ZNF248: variants seen among roughly 807,000 people sequenced by gnomAD.
The protein encoded by ZNF248 is KRAB protein domain.
Under a neutral mutation model 44.3 loss-of-function variants are expected in ZNF248, and 20 were observed. The observed-to-expected ratio is 0.45, with a 90% CI of 0.32 to 0.66. The LOEUF is 0.66. ZNF248 is among the 30% of genes least tolerant of loss of function. The probability of loss-of-function intolerance (pLI) is 0.04; values close to 1 mark genes in which losing one functional copy is unlikely to be tolerated. For synonymous variants in ZNF248, 224 were observed against 229.0 expected (o/e 0.98, Z 0.20); for missense variants, 654 against 677.0 (o/e 0.97, Z 0.38).
At chr10:37,804,210 T>TCCTCCC (rs2050221941) in intron 6 of ZNF248, among the ~76,000 whole-genome samples, 1 of 149,338 alleles carries the variant, frequency 6.7e-6, no homozygotes. Flanking sequence ...GCTCAAGCGA[T>TCCTCCC]ATTTCAGAGT....
the ZNF248 span, among the ~76,000 whole-genome samples, chr10:37,770,421 C>G: frequency 7.3e-4 from 111 of 151,976 alleles, 1 homozygote; most frequent in East Asian, 0.02. Context: ...GGTACCAAAA[C>G]AGATATAGAT....
the ZNF248 span, among the ~76,000 whole-genome samples, chr10:37,769,292 T>A: frequency 6.6e-6 from 1 of 152,216 alleles, no homozygotes; most frequent in Non-Finnish European, 1.5e-5. Flanking sequence ...ACCATCCTGA[T>A]ACCAAAGCCG....
At chr10:37,764,100 A>T in the ZNF248 span, among the ~76,000 whole-genome samples, 3 of 152,208 alleles carry the variant, frequency 2.0e-5, no homozygotes, top group Non-Finnish European at 4.4e-5. Flanking sequence ...ACAGAGCCAT[A>T]TTTCTCTTCT....
rs1048297677 is a variant in ZNF248, at chr10:37,792,630, A to G, written c.331-16055T>C. Among the ~76,000 whole-genome samples the G allele has an allele frequency of 2.6e-5, 4 of 152,222 alleles. No individual in the cohort carries two copies. In the South Asian group the frequency reaches 8.3e-4, roughly 32 times the overall value. ...ACCATCAGCCAACAGTCATGTTGGTATCATGCACACCATCATATGATGCAA... is the reference window on the plus strand; with the variant it reads ...ACCATCAGCCAACAGTCATGTTGGTGTCATGCACACCATCATATGATGCAA... On this transcript the variant is annotated intron_variant, in intron 6 of 6. Coordinates refer to the ZNF248 transcript ENST00000615949.
chr10:37,813,501 C>A lies in ZNF248; in HGVS notation c.330+19524G>T, dbSNP rs1439681391. Among the ~76,000 whole-genome samples, 3 of 152,268 alleles carry A rather than the reference C, an allele frequency of 2.0e-5. No individual in the cohort carries two copies. The East Asian group carries it at 5.8e-4, about 29-fold the overall frequency. On this transcript the variant is annotated intron_variant, in intron 6 of 6. Coordinates refer to the ZNF248 transcript ENST00000615949. ...AGCAAGACTGACTCCTCCTCTCCCTCCTCCTCATCAGCCTATTCAATGTGA... is the reference window on the plus strand; with the variant it reads ...AGCAAGACTGACTCCTCCTCTCCCTACTCCTCATCAGCCTATTCAATGTGA...
downstream of ZNF248, chr10:37,776,266 C>T (rs2046580621): frequency 3.7e-6 from 1 of 268,324 alleles, no homozygotes; most frequent in South Asian, 1.7e-4. Flanking sequence ...CACAGCATAC[C>T]CCTTTCCACC....
At chr10:37,783,663 G>A (rs1231627024) in intron 6 of ZNF248, among the ~76,000 whole-genome samples, 1 of 152,178 alleles carries the variant, frequency 6.6e-6, no homozygotes, top group Non-Finnish European at 1.5e-5. Flanking sequence ...TGGTGTAATG[G>A]AAAAATACTA....
chr10:37,777,327 C>A (rs1337018039), intron 6 of ZNF248, among the ~76,000 whole-genome samples: 1 of 152,198 alleles, frequency 6.6e-6, no homozygotes, highest in Non-Finnish European at 1.5e-5. Context: ...GAACTATGGA[C>A]TCAGGTACTA....
downstream of ZNF248, among the ~76,000 whole-genome samples, chr10:37,828,089 A>G (rs900771289): frequency 7.9e-5 from 12 of 152,220 alleles, no homozygotes; most frequent in African/African-American, 2.7e-4. Context: ...GAGAAAAAGT[A>G]TTTCTTTTAA....
downstream of ZNF248, among the ~76,000 whole-genome samples, chr10:37,825,089 TTGA>T (rs1352931552): frequency 1.3e-5 from 2 of 152,110 alleles, no homozygotes; most frequent in Non-Finnish European, 2.9e-5. Context: ...CACTATCCTG[TTGA>T]TATGTTGTTC....
At chr10:37,820,217 C>T (rs2053229744) in intron 6 of ZNF248, 9 of 1,321,326 alleles carry the variant, frequency 6.8e-6, no homozygotes, top group Non-Finnish European at 8.7e-6. Context: ...TGAGGTCGGA[C>T]TGGGTCTGTC....
chr10:37,814,078 G>A (rs1191323484), intron 6 of ZNF248, among the ~76,000 whole-genome samples: 1 of 152,030 alleles, frequency 6.6e-6, no homozygotes, highest in African/African-American at 2.4e-5. Flanking sequence ...ATGTCTTACA[G>A]CATTTTTGTC....
the ZNF248 span, among the ~76,000 whole-genome samples, chr10:37,761,530 A>G: frequency 1.3e-4 from 20 of 152,242 alleles, no homozygotes; most frequent in African/African-American, 4.6e-4. Context: ...TAAGATATAC[A>G]TGAGATAATG....
At chr10:37,833,237 G>A in intron 5 of ZNF248, 121 bp from the exon 6 acceptor site, 1 of 1,369,464 alleles carries the variant, frequency 7.3e-7, no homozygotes, top group Non-Finnish European at 9.5e-7. Context: ...GTTTCCTGGT[G>A]TGAACTGAGT....
chr10:37,844,605 A>G (rs2058950593), intron 3 of ZNF248, among the ~76,000 whole-genome samples: 1 of 152,198 alleles, frequency 6.6e-6, no homozygotes, highest in Non-Finnish European at 1.5e-5. Flanking sequence ...CGTAGGGAGA[A>G]GGCAGCTGGA....
chr10:37,790,316 C>T (rs559961205), intron 6 of ZNF248, among the ~76,000 whole-genome samples: 5 of 151,018 alleles, frequency 3.3e-5, no homozygotes, highest in Admixed American at 3.3e-4. Flanking sequence ...AATGGTGGCT[C>T]ATGCCTGTAA....
At chr10:37,767,530 CAT>C in the ZNF248 span, among the ~76,000 whole-genome samples, 1 of 152,098 alleles carries the variant, frequency 6.6e-6, no homozygotes, top group Non-Finnish European at 1.5e-5. Flanking sequence ...AACTAAGCTT[CAT>C]AAGTGAAGGA....
intron 6 of ZNF248, among the ~76,000 whole-genome samples, chr10:37,798,729 G>C (rs1157473470): frequency 1.3e-5 from 2 of 151,804 alleles, no homozygotes; most frequent in Non-Finnish European, 2.9e-5. Flanking sequence ...TAATTTACTT[G>C]TCTGCATTAA....
intron 6 of ZNF248, among the ~76,000 whole-genome samples, chr10:37,805,538 T>C (rs1371605857): frequency 3.3e-5 from 5 of 152,210 alleles, no homozygotes; most frequent in Non-Finnish European, 5.9e-5. Context: ...TTTCTTTATT[T>C]CCACATTCAC....
Sources: gnomAD v4.1 joint callset for allele counts (sites outside exome capture counted in the v4.1 genomes callset) on GRCh38, gnomAD v4.1.1 for gene constraint, MANE v1.5 for transcripts, NCBI Gene and HGNC (gene_info 2026-07-23, HGNC 2026-07-21) for gene names.